Variants in BAHCC1 observed in about 807,000 individuals in gnomAD.
BAHCC1 encodes BAH domain and coiled-coil containing 1.
BAHCC1 carries 43 observed loss-of-function variants against 88.2 expected under a neutral mutation model. That is an observed-to-expected ratio of 0.49 (90% CI 0.38 to 0.63). The LOEUF (loss-of-function observed/expected upper bound fraction) is 0.63, where lower values mean the gene tolerates loss of function less well. Among genes scored for constraint, BAHCC1 ranks in the 20% least tolerant of loss-of-function variants. The probability of loss-of-function intolerance (pLI) is 0.00; values close to 1 mark genes in which losing one functional copy is unlikely to be tolerated. For synonymous variants in BAHCC1, 1,510 were observed against 745.5 expected (o/e 2.03, Z -16.71); for missense variants, 3,023 against 1,654.8 (o/e 1.83, Z -14.34).
intron 11 of BAHCC1, among the ~76,000 whole-genome samples, chr17:81,450,203 TCTC>T (rs1555655502): frequency 2.6e-5 from 4 of 152,026 alleles, no homozygotes; most frequent in Admixed American, 6.5e-5. Context: ...GTTCCGCAGT[TCTC>T]CTGCCTTCCT....
chr17:81,452,928 C>G (rs1267851406), intron 14 of BAHCC1, 77 bp downstream of exon 14: 6 of 637,208 alleles, frequency 9.4e-6, no homozygotes, highest in Non-Finnish European at 1.4e-5. Context: ...AGGGTCCAGG[C>G]TCCCCTGAGG....
intron 6 of BAHCC1, 86 bp from the exon 7 acceptor site, chr17:81,444,295 G>C (rs1452090275): frequency 3.3e-5 from 22 of 671,510 alleles, no homozygotes; most frequent in Non-Finnish European, 5.4e-5. Flanking sequence ...TGAGCCCCAG[G>C]TCTTACAGAG....
rs375043292 is a variant in BAHCC1, at chr17:81,462,814, C to T, written c.7458C>T (p.Val2486=). The change falls in exon 27 of 28, where the codon GTC becomes GTT. Residue 2486 remains valine, a synonymous_variant. Transcript: ENST00000675386. ...TGCGGGGCGAGGAGACCCTGCGTGT[C>T]GGGGACTGTGCCGTCTTCCTGTCAG... The part of the protein sequence containing the change: ...AIVRGEETLR[V]GDCAVFLSAG... 2.3e-5 allele frequency: 18 copies of T among 780,324 alleles called. No homozygotes were observed. The highest frequency in any genetic ancestry group is 1.9e-4 in the South Asian group (14 of 74,624). 48.3% of individuals were successfully genotyped at this position (780,324 alleles called of 1,614,324 possible).
At chr17:81,422,353 A>G (rs1555649701) in intron 2 of BAHCC1, among the ~76,000 whole-genome samples, 1 of 152,228 alleles carries the variant, frequency 6.6e-6, no homozygotes, top group Non-Finnish European at 1.5e-5. Flanking sequence ...GTGAAAATAC[A>G]AAGACATAAT....
chr17:81,405,391 G>A (rs1473610679), intron 2 of BAHCC1, among the ~76,000 whole-genome samples: 1 of 152,152 alleles, frequency 6.6e-6, no homozygotes, highest in Non-Finnish European at 1.5e-5. Flanking sequence ...GGCAGCAGAT[G>A]TTTATATATA....
Position 81,462,038 on chromosome 17 carries a change from C to T in BAHCC1, c.7375C>T (p.Pro2459Ser), listed in dbSNP as rs1158128210. 1 of 775,492 alleles carries T rather than the reference C, an allele frequency of 1.3e-6. No homozygotes were observed. The highest frequency in any genetic ancestry group is 2.4e-6 in the Non-Finnish European group (1 of 415,960). 48.0% of individuals were successfully genotyped at this position (775,492 alleles called of 1,614,324 possible). Residue 2459 changes from proline (P) to serine (S), a missense_variant, in exon 26 of 28, where the codon CCC (proline) becomes TCC (serine). By Grantham distance (74) the Pro-to-Ser change is moderately conservative. Coordinates refer to ENST00000675386, the MANE Select transcript of BAHCC1 (RefSeq NM_001377448.1). Reference protein sequence around the residue: ...ARQLWKWSGNPTQRRGMKGKA... With the variant: ...ARQLWKWSGNSTQRRGMKGKA... ...GCAGCTCTGGAAGTGGTCGGGGAATCCCACACAGGTAGGTCCAGCGGGAGG... is the reference window on the plus strand; with the variant it reads ...GCAGCTCTGGAAGTGGTCGGGGAATTCCACACAGGTAGGTCCAGCGGGAGG...
At chr17:81,417,560 C>CCGG (rs1555648941) in intron 2 of BAHCC1, among the ~76,000 whole-genome samples, 3 of 136,584 alleles carry the variant, frequency 2.2e-5, no homozygotes, top group Non-Finnish European at 4.7e-5. Flanking sequence ...CGGCCACCCC[C>CCGG]CCCCCGCCCT....
intron 1 of BAHCC1, among the ~76,000 whole-genome samples, chr17:81,397,393 G>C (rs34070856): frequency 1.6e-5 from 2 of 121,928 alleles, no homozygotes; most frequent in African/African-American, 5.4e-5. Context: ...TCTTATTGGA[G>C]AGAAAAAAAA....
intron 2 of BAHCC1, among the ~76,000 whole-genome samples, chr17:81,424,024 C>T (rs1414633128): frequency 2.0e-5 from 3 of 152,224 alleles, no homozygotes; most frequent in Admixed American, 6.5e-5. Context: ...TGTGCCAGCC[C>T]AGTCGGGGCC....
At chr17:81,402,397 C>G (rs564210515) in intron 2 of BAHCC1, 1 of 152,200 alleles carries the variant, frequency 6.6e-6, no homozygotes, top group Non-Finnish European at 1.5e-5. Context: ...CCCCAGATCA[C>G]TTTGCTTTGG....
At chr17:81,406,108 G>C (rs2063875171) in intron 2 of BAHCC1, among the ~76,000 whole-genome samples, 1 of 152,234 alleles carries the variant, frequency 6.6e-6, no homozygotes, top group Non-Finnish European at 1.5e-5. Context: ...TTCTTAATGG[G>C]TTCATCCTGA....
chr17:81,436,223 C>T (rs1268478650), intron 3 of BAHCC1, among the ~76,000 whole-genome samples: 2 of 152,144 alleles, frequency 1.3e-5, no homozygotes, highest in Non-Finnish European at 2.9e-5. Context: ...CTTTGGTCTT[C>T]GGGCCCTGGC....
At chr17:81,431,113 G>A (rs1422999815) in intron 3 of BAHCC1, among the ~76,000 whole-genome samples, 1 of 151,986 alleles carries the variant, frequency 6.6e-6, no homozygotes, top group Non-Finnish European at 1.5e-5. Context: ...GGGCTCTGCT[G>A]GGCCGGCTAC....
chr17:81,416,977 G>A (rs2064040559), intron 2 of BAHCC1, among the ~76,000 whole-genome samples: 2 of 152,170 alleles, frequency 1.3e-5, no homozygotes. Context: ...ACCCCCATCC[G>A]TTGCCGTGTT....
At chr17:81,418,807 GTA>G (rs1555649142) in intron 2 of BAHCC1, among the ~76,000 whole-genome samples, 52 of 74,080 alleles carry the variant, frequency 7.0e-4, no homozygotes, top group African/African-American at 2.4e-3. Flanking sequence ...GTGTGTGTGT[GTA>G]CGTGTGTGTG....
chr17:81,410,223 C>T (rs2063932808), intron 2 of BAHCC1: 1 of 168,620 alleles, frequency 5.9e-6, no homozygotes, highest in South Asian at 9.5e-5. Flanking sequence ...CGCCCCTTCC[C>T]TGGCGGAGAC....
At position 81,460,884 on chromosome 17, in the gene BAHCC1, C is replaced by T. The variant is rs1555659025; in HGVS notation, c.6221C>T (p.Thr2074Ile). 2 of 766,816 alleles carry T rather than the reference C, an allele frequency of 2.6e-6. No homozygotes were observed. The highest frequency in any genetic ancestry group is 1.7e-5 in the African/African-American group (1 of 59,256). 47.5% of individuals were successfully genotyped at this position (766,816 alleles called of 1,614,324 possible). Residue 2074 changes from threonine (T) to isoleucine (I), a missense_variant, in exon 26 of 28, where the codon ACC becomes ATC. Transcript: ENST00000675386. ...CCCTCAGGTAAAGCCGAACTCCTAA[C>T]CTCAGGTGCCAAATCCCCCACGGGG... ...KDKAGKAELL[T>I]SGAKSPTGAS...
chr17:81,400,349 C>T (rs2063799558), intron 2 of BAHCC1, among the ~76,000 whole-genome samples: 1 of 152,150 alleles, frequency 6.6e-6, no homozygotes, highest in African/African-American at 2.4e-5. Flanking sequence ...CAGGGTACGC[C>T]GCGGCCTCGC....
At position 81,447,308 on chromosome 17, in the gene BAHCC1, G is replaced by A. The variant is rs1555654767; in HGVS notation, c.3436G>A (p.Ala1146Thr). ...PTERGPQGKA[A>T]DPSPLEGLQE... ...CGAGCGGGGACCCCAGGGGAAGGCA[G>A]CGGACCCCAGCCCACTAGAGGGGCT... The change falls in exon 11 of 28, where the codon GCG becomes ACG. Residue 1146 changes from alanine (A) to threonine (T), a missense_variant. Coordinates refer to ENST00000675386, the MANE Select transcript of BAHCC1 (RefSeq NM_001377448.1). The A allele has an allele frequency of 8.1e-6, 6 of 740,434 alleles. No individual in the cohort carries two copies. The East Asian group carries it at 1.0e-4, about 12-fold the overall frequency. 45.9% of individuals were successfully genotyped at this position (740,434 alleles called of 1,614,324 possible). A position where few individuals can be genotyped will look rare whatever the true frequency, so the allele number is the denominator to read the frequency against.
Sources: gnomAD v4.1 joint callset for allele counts (sites outside exome capture counted in the v4.1 genomes callset) on GRCh38, gnomAD v4.1.1 for gene constraint, MANE v1.5 for transcripts, NCBI Gene and HGNC (gene_info 2026-07-23, HGNC 2026-07-21) for gene names.